The following FBN2 variants were observed in gnomAD, a reference collection of about 807,000 sequenced individuals.
FBN2 encodes fibrillin 2, also known as fibrillin-2.
In FBN2, 105 loss-of-function variants were observed where a neutral mutation model predicts 355.6. The ratio of observed to expected loss-of-function variants is 0.30; its 90% CI spans 0.25 to 0.35. The LOEUF (loss-of-function observed/expected upper bound fraction) is 0.35, where lower values mean the gene tolerates loss of function less well. Among genes scored for constraint, FBN2 ranks in the 10% least tolerant of loss-of-function variants. The pLI is 1.00. For synonymous variants in FBN2, 1,350 were observed against 1,301.2 expected (o/e 1.04, Z -0.81); for missense variants, 3,280 against 3,758.7 (o/e 0.87, Z 3.33).
intron 55 of FBN2, 47 bp downstream of exon 55, chr5:128,286,671 T>A (rs1486974353): frequency 6.2e-7 from 1 of 1,610,930 alleles, no homozygotes; most frequent in African/African-American, 1.3e-5. Context: ...TTAATGAGGC[T>A]GGGAGTGGAG....
chr5:128,276,151 T>C lies in FBN2; in HGVS notation c.7481A>G (p.Glu2494Gly). The change falls in exon 59 of 65, where the codon GAA (glutamate) becomes GGA (glycine). Residue 2494 changes from glutamate (E) to glycine (G), a missense_variant. Glu to Gly is a moderately conservative substitution (Grantham distance 98). Transcript: ENST00000262464. ...ISGTSCIDLD[E>G]CSQSPKPCNY... The stretch of plus-strand genomic sequence containing the variant: ...GCATGGTTTCGGGGACTGGGAGCAT[T>C]CATCAAGGTCTAAGTAAAAGTGATG... 1 of 1,613,710 alleles carries C rather than the reference T, an allele frequency of 6.2e-7. No homozygotes were observed. The highest frequency in any genetic ancestry group is 1.1e-5 in the South Asian group (1 of 91,070).
At chr5:128,486,331 C>A (rs1299488173) in intron 5 of FBN2, among the ~76,000 whole-genome samples, 1 of 152,128 alleles carries the variant, frequency 6.6e-6, no homozygotes, top group African/African-American at 2.4e-5. Flanking sequence ...CACAATATGA[C>A]AAACTTCCAC....
At chr5:128,474,985 G>A (rs1754972097) in intron 5 of FBN2, among the ~76,000 whole-genome samples, 1 of 152,178 alleles carries the variant, frequency 6.6e-6, no homozygotes, top group African/African-American at 2.4e-5. Context: ...GAAATGCACA[G>A]GGGAAGCTCT....
intron 5 of FBN2, among the ~76,000 whole-genome samples, chr5:128,503,587 A>C (rs1014282020): frequency 6.6e-6 from 1 of 152,188 alleles, no homozygotes; most frequent in Non-Finnish European, 1.5e-5. Context: ...ATGCACAGAT[A>C]CTGGCAGCAT....
At chr5:128,406,869 T>C (rs1752939959) in intron 8 of FBN2, among the ~76,000 whole-genome samples, 1 of 152,212 alleles carries the variant, frequency 6.6e-6, no homozygotes, top group Admixed American at 6.5e-5. Context: ...ATTAAATGAA[T>C]CAAACTTACT....
At chr5:128,508,931 T>C (rs984882274) in intron 5 of FBN2, among the ~76,000 whole-genome samples, 1 of 152,100 alleles carries the variant, frequency 6.6e-6, no homozygotes, top group Middle Eastern at 3.2e-3. Context: ...CTTTCCTTTT[T>C]ACTTGTACTG....
intron 62 of FBN2, among the ~76,000 whole-genome samples, chr5:128,264,792 G>A (rs1765077197): frequency 6.6e-6 from 1 of 152,198 alleles, no homozygotes. Flanking sequence ...GTGCACAGAG[G>A]ACATAGTACC....
intron 11 of FBN2, among the ~76,000 whole-genome samples, chr5:128,380,355 C>T (rs1003659877): frequency 1.3e-5 from 2 of 152,076 alleles, no homozygotes; most frequent in Non-Finnish European, 2.9e-5. Context: ...TAGCTGTTAT[C>T]TTTACAGCAG....
chr5:128,517,080 T>C (rs59674940), intron 5 of FBN2, among the ~76,000 whole-genome samples: 24,517 of 152,016 alleles, frequency 0.16, 3,563 homozygotes, highest in African/African-American at 0.39. Flanking sequence ...CAATTTTTTT[T>C]GGAAAACATG....
chr5:128,407,427 G>C (rs1581269445), intron 8 of FBN2, among the ~76,000 whole-genome samples: 1 of 152,126 alleles, frequency 6.6e-6, no homozygotes, highest in East Asian at 1.9e-4. Context: ...ACACTTATTA[G>C]AAGAAACTGA....
chr5:128,376,640 T>C (rs1752084173), intron 14 of FBN2, 91 bp downstream of exon 14: 3 of 1,445,294 alleles, frequency 2.1e-6, no homozygotes, highest in African/African-American at 1.4e-5. Flanking sequence ...GAAAGCCACA[T>C]GGGGAAGCTG....
At chr5:128,326,105 A>G (rs1411662905) in intron 34 of FBN2, among the ~76,000 whole-genome samples, 4 of 152,184 alleles carry the variant, frequency 2.6e-5, no homozygotes, top group African/African-American at 7.2e-5. Context: ...ATGCCTGCAT[A>G]GTTGCTACTG....
intron 48 of FBN2, among the ~76,000 whole-genome samples, chr5:128,294,388 T>C (rs1356663220): frequency 1.3e-5 from 2 of 152,168 alleles, no homozygotes; most frequent in African/African-American, 2.4e-5. Context: ...GTACTTCTAG[T>C]TCTAGATCCC....
chr5:128,274,031 G>A lies in FBN2; in HGVS notation c.7712-63C>T, dbSNP rs1361929658. 1.7e-5 allele frequency: 27 copies of A among 1,596,248 alleles called. No homozygotes were observed. In the East Asian group the frequency reaches 2.9e-4, roughly 17 times the overall value. On this transcript the variant is annotated intron_variant, in intron 60 of 64. Transcript: ENST00000262464. Reference sequence around the variant, plus strand: ...AATCATAACATGTCTTACGTTTCATGGGAAGTAAAAAGCAATGTATGAAAA... The same window carrying A: ...AATCATAACATGTCTTACGTTTCATAGGAAGTAAAAAGCAATGTATGAAAA...
At chr5:128,518,738 G>A (rs2112786789) in intron 5 of FBN2, among the ~76,000 whole-genome samples, 1 of 152,284 alleles carries the variant, frequency 6.6e-6, no homozygotes, top group South Asian at 2.1e-4. Context: ...ACACAAAGAA[G>A]TTCAGGCTAG....
intron 19 of FBN2, among the ~76,000 whole-genome samples, chr5:128,358,761 A>C (rs1751566546): frequency 6.6e-6 from 1 of 152,112 alleles, no homozygotes; most frequent in Admixed American, 6.5e-5. Context: ...AACAAATCTA[A>C]GGACAGACCA....
At chr5:128,354,781 C>T (rs988978311) in intron 20 of FBN2, among the ~76,000 whole-genome samples, 18 of 152,268 alleles carry the variant, frequency 1.2e-4, no homozygotes, top group African/African-American at 4.1e-4. Context: ...GGAAATGTTC[C>T]TGGGAGACTC....
intron 5 of FBN2, among the ~76,000 whole-genome samples, chr5:128,471,678 C>A (rs528894144): frequency 2.6e-5 from 4 of 152,180 alleles, no homozygotes; most frequent in African/African-American, 9.6e-5. Context: ...CTTTTTAATG[C>A]ATGAGAGACT....
intron 25 of FBN2, among the ~76,000 whole-genome samples, chr5:128,343,319 C>T (rs981336041): frequency 1.3e-5 from 2 of 152,146 alleles, no homozygotes; most frequent in African/African-American, 4.8e-5. Context: ...GTGGAGAAAA[C>T]AGGTGAGGGG....
Sources: allele counts gnomAD v4.1 joint callset (sites outside exome capture counted in the v4.1 genomes callset), GRCh38; gene constraint gnomAD v4.1.1; transcripts MANE v1.5; gene names NCBI Gene and HGNC (gene_info 2026-07-23, HGNC 2026-07-21).